The following EIF4E3 variants were observed in gnomAD, a reference collection of about 807,000 sequenced individuals.
EIF4E3 encodes the protein eukaryotic translation initiation factor 4E family member 3.
EIF4E3 carries 26 observed loss-of-function variants against 31.7 expected under a neutral mutation model. The ratio of observed to expected loss-of-function variants is 0.82; its 90% CI spans 0.60 to 1.14. The LOEUF (loss-of-function observed/expected upper bound fraction) is 1.14. Among genes scored for constraint, EIF4E3 ranks in the 50% most tolerant of loss-of-function variants. EIF4E3 has a pLI of 0.00. For synonymous variants in EIF4E3, 128 were observed against 107.7 expected (o/e 1.19, Z -1.17); for missense variants, 304 against 270.9 (o/e 1.12, Z -0.86).
At chr3:71,659,771 C>T in the EIF4E3 span, among the ~76,000 whole-genome samples, 2 of 152,214 alleles carry the variant, frequency 1.3e-5, no homozygotes, top group African/African-American at 2.4e-5. Flanking sequence ...TCCTGCTTCT[C>T]CATCAGGTAT....
the EIF4E3 span, among the ~76,000 whole-genome samples, chr3:71,666,135 C>G: frequency 6.6e-6 from 1 of 151,800 alleles, no homozygotes; most frequent in Non-Finnish European, 1.5e-5. Context: ...AAAAACTCTT[C>G]AAAAAATCAA....
intron 1 of EIF4E3, among the ~76,000 whole-genome samples, chr3:71,739,592 G>T (rs761068888): frequency 1.4e-4 from 22 of 152,126 alleles, no homozygotes; most frequent in Admixed American, 1.3e-4. Context: ...AGCTACTCAA[G>T]AGGCTGAGGT....
chr3:71,684,269 C>T lies in EIF4E3; in HGVS notation c.*413G>A, dbSNP rs704299. The T allele has an allele frequency of 0.22, 37,178 of 169,056 alleles. 5,415 individuals carry two copies. Among genetic ancestry groups the T allele is most frequent in the East Asian group, 0.67 (4,091 of 6,068 alleles). 10.5% of individuals were successfully genotyped at this position (169,056 alleles called of 1,614,324 possible). A position where few individuals can be genotyped will look rare whatever the true frequency, so the allele number is the denominator to read the frequency against. On this transcript the variant is annotated 3_prime_UTR_variant, in exon 7 of 7. Transcript: ENST00000425534. ...GTGGTATTCAAAAGCAGTATTGTCA[C>T]GATTATGCATATTCTCATTAACTAG...
upstream of EIF4E3, among the ~76,000 whole-genome samples, chr3:71,727,657 T>C (rs551907480): frequency 3.9e-5 from 6 of 152,326 alleles, no homozygotes; most frequent in East Asian, 1.2e-3. Flanking sequence ...CTTTGCAAAG[T>C]GGTTACATGA....
intron 6 of EIF4E3, among the ~76,000 whole-genome samples, chr3:71,685,368 A>G (rs1292134742): frequency 6.6e-6 from 1 of 152,134 alleles, no homozygotes; most frequent in Non-Finnish European, 1.5e-5. Flanking sequence ...GAATATATAT[A>G]TATTTTTTTG....
At chr3:71,705,237 C>T (rs1265162204) in intron 2 of EIF4E3, among the ~76,000 whole-genome samples, 2 of 152,114 alleles carry the variant, frequency 1.3e-5, no homozygotes, top group Non-Finnish European at 2.9e-5. Context: ...ATGATCAATA[C>T]TGACCTAGAA....
intron 1 of EIF4E3, among the ~76,000 whole-genome samples, chr3:71,732,057 G>C (rs937185668): frequency 6.6e-6 from 1 of 152,048 alleles, no homozygotes; most frequent in Non-Finnish European, 1.5e-5. Flanking sequence ...ATGAGCTCCC[G>C]AAGACAGGCC....
chr3:71,743,269 A>G (rs994690550), intron 1 of EIF4E3, among the ~76,000 whole-genome samples: 12 of 152,208 alleles, frequency 7.9e-5, no homozygotes, highest in African/African-American at 2.9e-4. Flanking sequence ...AAAAAACTGA[A>G]ATAAGTGAGT....
intron 6 of EIF4E3, among the ~76,000 whole-genome samples, chr3:71,687,199 G>A (rs1214230538): frequency 1.3e-5 from 2 of 151,956 alleles, no homozygotes; most frequent in African/African-American, 4.8e-5. Flanking sequence ...ATGGGGTTTC[G>A]CCATGTTGGC....
upstream of EIF4E3, chr3:71,753,905 G>A: frequency 3.2e-6 from 3 of 950,874 alleles, no homozygotes; most frequent in Non-Finnish European, 3.8e-6. Flanking sequence ...AGCCCAGGAG[G>A]GGCCGGCCGG....
At chr3:71,660,252 T>G in the EIF4E3 span, among the ~76,000 whole-genome samples, 850 of 151,870 alleles carry the variant, frequency 5.6e-3, 14 homozygotes, top group African/African-American at 0.02. Flanking sequence ...GGAAAAAAAA[T>G]TCTGTTCTCC....
intron 1 of EIF4E3, among the ~76,000 whole-genome samples, chr3:71,738,199 G>A (rs2049782832): frequency 6.6e-6 from 1 of 152,220 alleles, no homozygotes; most frequent in Non-Finnish European, 1.5e-5. Context: ...GACAAGAAGA[G>A]TCTAGTTTCT....
chr3:71,674,145 C>T (rs1216819212), downstream of EIF4E3, among the ~76,000 whole-genome samples: 5 of 127,492 alleles, frequency 3.9e-5, no homozygotes, highest in East Asian at 2.2e-4. Context: ...CTCGCTGTGT[C>T]GCCCAGGCTG....
chr3:71,738,520 A>G (rs1481133434), intron 1 of EIF4E3, among the ~76,000 whole-genome samples: 1 of 152,218 alleles, frequency 6.6e-6, no homozygotes, highest in Non-Finnish European at 1.5e-5. Flanking sequence ...CTATATAAAT[A>G]TCAAATAAAG....
At chr3:71,685,345 A>C (rs1044561752) in intron 6 of EIF4E3, among the ~76,000 whole-genome samples, 1 of 152,286 alleles carries the variant, frequency 6.6e-6, no homozygotes, top group Admixed American at 6.5e-5. Context: ...ACTAATTTTA[A>C]TTAGGAACTC....
At chr3:71,725,506 C>T (rs1278184743), upstream of EIF4E3, 1 of 387,198 alleles carries the variant, frequency 2.6e-6, no homozygotes, top group East Asian at 1.7e-4. The surrounding 1 kb of genome is among the most constrained non-coding windows in gnomAD (Gnocchi z 6.1). Context: ...CGCCGCCCGC[C>T]GCCCGCCGCC....
At chr3:71,703,571 T>C (rs1224028965) in intron 2 of EIF4E3, among the ~76,000 whole-genome samples, 1 of 152,106 alleles carries the variant, frequency 6.6e-6, no homozygotes, top group African/African-American at 2.4e-5. Flanking sequence ...AAATCCCCAA[T>C]CTGATAGCAC....
At chr3:71,713,171 G>A (rs1037069962) in intron 1 of EIF4E3, among the ~76,000 whole-genome samples, 1 of 152,166 alleles carries the variant, frequency 6.6e-6, no homozygotes, top group Non-Finnish European at 1.5e-5. Flanking sequence ...CTGAATCCCT[G>A]CAATCCTATT....
rs2049611576 is a variant in EIF4E3, at chr3:71,725,104, C to G, written c.176+88G>C. The G allele has an allele frequency of 5.3e-6, 5 of 939,538 alleles. No individual in the cohort carries two copies. The highest frequency in any genetic ancestry group is 1.8e-5 in the African/African-American group (1 of 56,054). The allele number at this position is 939,538 out of a possible 1,614,324, so 58.2% of individuals were successfully genotyped here. On this transcript the variant is annotated intron_variant, in intron 1 of 6. Transcript: ENST00000425534. This position sits in a 1 kb window ranked among gnomAD's most constrained non-coding sequence, Gnocchi z 6.1. ...AGGTCTGTGCCACAGCGGAGCGGGG[C>G]CGGGGCGAGGGGCCGCGCCGAGACA...
Sources: allele counts gnomAD v4.1 joint callset (sites outside exome capture counted in the v4.1 genomes callset), GRCh38; gene constraint gnomAD v4.1.1; non-coding constraint Gnocchi (gnomAD v3.1); transcripts MANE v1.5; gene names NCBI Gene and HGNC (gene_info 2026-07-23, HGNC 2026-07-21).